The following SUGCT variants were observed in gnomAD, a reference collection of about 807,000 sequenced individuals.
SUGCT encodes succinyl-CoA:glutarate-CoA transferase, also known as succinyl-CoA:glutarate CoA-transferase.
A neutral mutation model predicts 55.0 loss-of-function variants in SUGCT; 41 were observed. That is an observed-to-expected ratio of 0.74 (90% CI 0.58 to 0.97). SUGCT has a LOEUF of 0.97. Ranked by LOEUF, SUGCT falls within the 50% of genes least tolerant of loss-of-function variation. The probability of loss-of-function intolerance (pLI) is 0.00; values close to 1 mark genes in which losing one functional copy is unlikely to be tolerated. For missense variants in SUGCT, 568 were observed against 547.8 expected (o/e 1.04, Z -0.37); for synonymous variants, 187 against 200.4 (o/e 0.93, Z 0.56).
chr7:40,801,017 G>C (rs771059096), intron 13 of SUGCT, among the ~76,000 whole-genome samples: 3 of 152,174 alleles, frequency 2.0e-5, no homozygotes, highest in Non-Finnish European at 4.4e-5. Flanking sequence ...TCCTGACACT[G>C]ATCTCAAGCA....
intron 6 of SUGCT, among the ~76,000 whole-genome samples, chr7:40,204,326 G>A (rs1468551255): frequency 3.6e-5 from 5 of 140,206 alleles, no homozygotes; most frequent in African/African-American, 1.1e-4. Flanking sequence ...TTTTTGATAC[G>A]GAGTCTTGCT....
chr7:40,941,184 G>T, the SUGCT span, among the ~76,000 whole-genome samples: 1 of 152,084 alleles, frequency 6.6e-6, no homozygotes, highest in East Asian at 1.9e-4. Context: ...GGTCACATTT[G>T]TGACCTTTCA....
At chr7:40,565,967 TCACACACACACACACACACACACACGCA>T (rs1223772255) in intron 12 of SUGCT, among the ~76,000 whole-genome samples, 1 of 134,686 alleles carries the variant, frequency 7.4e-6, no homozygotes, top group African/African-American at 2.8e-5. Context: ...ACCTGGCATA[TCACACACACACACACACACACACACGCA>T]CACACACACA....
intron 6 of SUGCT, among the ~76,000 whole-genome samples, chr7:40,226,616 C>G (rs1309245641): frequency 6.7e-6 from 1 of 149,262 alleles, no homozygotes; most frequent in East Asian, 2.0e-4. Context: ...TGTAGGGTAT[C>G]CAAAGTGGAA....
chr7:40,317,996 C>T (rs1795529653), intron 9 of SUGCT, among the ~76,000 whole-genome samples: 1 of 152,146 alleles, frequency 6.6e-6, no homozygotes, highest in Non-Finnish European at 1.5e-5. Flanking sequence ...CGTTTTATGA[C>T]CACCATTAAT....
chr7:40,993,371 T>C, the SUGCT span, among the ~76,000 whole-genome samples: 62 of 152,292 alleles, frequency 4.1e-4, 4 homozygotes, highest in South Asian at 9.7e-3. Flanking sequence ...GCCCTGATGC[T>C]GTCTGCTTAC....
intron 11 of SUGCT, among the ~76,000 whole-genome samples, chr7:40,495,227 CTT>C (rs79094909): frequency 2.2e-4 from 31 of 138,470 alleles, no homozygotes; most frequent in Admixed American, 2.2e-4. Context: ...TATTTCTATG[CTT>C]TTTTTTTTTT....
At chr7:40,521,500 A>G (rs918107467) in intron 12 of SUGCT, among the ~76,000 whole-genome samples, 2 of 152,142 alleles carry the variant, frequency 1.3e-5, no homozygotes, top group African/African-American at 2.4e-5. Context: ...GAAAGAAGGC[A>G]TAGGTTACTG....
the SUGCT span, among the ~76,000 whole-genome samples, chr7:41,011,775 C>T: frequency 6.6e-6 from 1 of 152,220 alleles, no homozygotes; most frequent in Non-Finnish European, 1.5e-5. Flanking sequence ...GACCTACCCA[C>T]ATATATTCAA....
intron 1 of SUGCT, among the ~76,000 whole-genome samples, chr7:40,152,026 C>G (rs1788602651): frequency 6.6e-6 from 1 of 152,014 alleles, no homozygotes; most frequent in South Asian, 2.1e-4. Context: ...CTGGGTGGCA[C>G]CAGCTGGTGC....
chr7:40,296,612 C>CGTGTGTGTGTGTGTGT (rs10528858), intron 8 of SUGCT, among the ~76,000 whole-genome samples: 2 of 144,726 alleles, frequency 1.4e-5, no homozygotes, highest in Admixed American at 6.9e-5. Flanking sequence ...GTGAGTGACT[C>CGTGTGTGTGTGTGTGT]GTGTGTGTGT....
chr7:40,897,900 TCAGCTCTCTGTAAAATGAAC>T, the SUGCT span, among the ~76,000 whole-genome samples: 1 of 116,306 alleles, frequency 8.6e-6, no homozygotes, highest in South Asian at 2.9e-4. Context: ...AATGGACCAA[TCAGCTCTCTGTAAAATGAAC>T]CAATCAGCGG....
chr7:40,759,585 C>G (rs1788432149), intron 13 of SUGCT, among the ~76,000 whole-genome samples: 1 of 151,560 alleles, frequency 6.6e-6, no homozygotes, highest in Non-Finnish European at 1.5e-5. Flanking sequence ...CCTCTTTTCT[C>G]TATTTACTAT....
intron 11 of SUGCT, among the ~76,000 whole-genome samples, chr7:40,481,290 A>T (rs1258069111): frequency 6.6e-6 from 1 of 152,000 alleles, no homozygotes; most frequent in Non-Finnish European, 1.5e-5. Context: ...GTGAGCTATG[A>T]TTGCACAATT....
chr7:40,630,909 C>A (rs1370682385), intron 12 of SUGCT, among the ~76,000 whole-genome samples: 2 of 151,752 alleles, frequency 1.3e-5, no homozygotes, highest in African/African-American at 4.8e-5. Flanking sequence ...GTGGGAGACT[C>A]GTTAATTTTG....
chr7:40,555,288 C>T (rs1795500793), intron 12 of SUGCT, among the ~76,000 whole-genome samples: 1 of 146,324 alleles, frequency 6.8e-6, no homozygotes, highest in South Asian at 2.1e-4. Flanking sequence ...TCAATGAAAC[C>T]CTTCCTCTTT....
the SUGCT span, among the ~76,000 whole-genome samples, chr7:40,937,446 T>C: frequency 6.6e-6 from 1 of 152,226 alleles, no homozygotes; most frequent in African/African-American, 2.4e-5. Flanking sequence ...CATGAGCCGC[T>C]GCACCTGGCT....
At chr7:40,727,368 C>A (rs76482225) in intron 12 of SUGCT, among the ~76,000 whole-genome samples, 2,905 of 152,260 alleles carry the variant, frequency 0.019, 92 homozygotes, top group African/African-American at 0.067. Context: ...AACTGTTTGC[C>A]AAGCATCTTT....
chr7:40,824,222 AAAAAC>A (rs1213079620), intron 13 of SUGCT, among the ~76,000 whole-genome samples: 1 of 152,104 alleles, frequency 6.6e-6, no homozygotes, highest in Non-Finnish European at 1.5e-5. Context: ...AAAAAAAACA[AAAAAC>A]AAAACTCATT....
Sources: gnomAD v4.1 joint callset for allele counts (sites outside exome capture counted in the v4.1 genomes callset) on GRCh38, gnomAD v4.1.1 for gene constraint, MANE v1.5 for transcripts, NCBI Gene and HGNC (gene_info 2026-07-23, HGNC 2026-07-21) for gene names.